The following RBKS variants were observed in gnomAD, a reference collection of about 807,000 sequenced individuals.
RBKS encodes the protein ribokinase.
Under a neutral mutation model 33.9 loss-of-function variants are expected in RBKS, and 33 were observed. The observed-to-expected ratio is 0.97, with a 90% CI of 0.74 to 1.30. The LOEUF (loss-of-function observed/expected upper bound fraction) is 1.30. RBKS is among the 50% of genes most tolerant of loss of function. The probability of loss-of-function intolerance (pLI) is 0.00; values close to 1 mark genes in which losing one functional copy is unlikely to be tolerated. For synonymous variants in RBKS, 125 were observed against 143.0 expected (o/e 0.87, Z 0.90); for missense variants, 361 against 392.6 (o/e 0.92, Z 0.68).
intron 6 of RBKS, among the ~76,000 whole-genome samples, chr2:27,828,878 T>C (rs1368855704): frequency 6.6e-6 from 1 of 152,236 alleles, no homozygotes; most frequent in Non-Finnish European, 1.5e-5. Flanking sequence ...AATTATACTA[T>C]TTAAAGTATT....
At chr2:27,882,181 G>T (rs911650735) in intron 1 of RBKS, among the ~76,000 whole-genome samples, 2 of 151,728 alleles carry the variant, frequency 1.3e-5, no homozygotes, top group African/African-American at 2.4e-5. Context: ...TCTGACAAAG[G>T]TCTAATATTC....
intron 7 of RBKS, among the ~76,000 whole-genome samples, chr2:27,788,990 C>T (rs1173454379): frequency 6.6e-6 from 1 of 152,092 alleles, no homozygotes; most frequent in Admixed American, 6.5e-5. Flanking sequence ...AATTAATAAA[C>T]TGATTTTAAA....
rs1167657626 is a variant in RBKS at position 27,795,350 on chromosome 2, G to A, written c.796-13562C>T. On this transcript the variant is annotated intron_variant, in intron 7 of 7. Transcript: ENST00000302188. This position sits in a 1 kb window ranked among gnomAD's most constrained non-coding sequence, Gnocchi z 4.1. ...AGGCTCCTGGCTGACAGGGGCCTTC[G>A]GGTCAAAGACAAGAAGGCTGATCTG... Among the ~76,000 whole-genome samples the A allele has an allele frequency of 6.6e-6, 1 of 152,046 alleles. No homozygotes were observed. Among genetic ancestry groups the A allele is most frequent in the Non-Finnish European group, 1.5e-5 (1 of 68,016 alleles).
At chr2:27,884,877 T>A (rs1223788643) in intron 1 of RBKS, among the ~76,000 whole-genome samples, 3 of 152,212 alleles carry the variant, frequency 2.0e-5, no homozygotes, top group Non-Finnish European at 4.4e-5. Context: ...AGACAGGAAG[T>A]CAATTTTATT....
chr2:27,826,063 G>T (rs1389790539), intron 7 of RBKS, among the ~76,000 whole-genome samples: 1 of 152,162 alleles, frequency 6.6e-6, no homozygotes, highest in Non-Finnish European at 1.5e-5. Flanking sequence ...AATAGTTTCA[G>T]AAATGACTAA....
At position 27,801,951 on chromosome 2, in the gene RBKS, A is replaced by G. The variant is rs530155679; in HGVS notation, c.796-20163T>C. On this transcript the variant is annotated intron_variant, in intron 7 of 7. Coordinates refer to ENST00000302188, the MANE Select transcript of RBKS (RefSeq NM_022128.3). Reference sequence around the variant, plus strand: ...GTCTCAGTTTCCCGAGTAGCTGGGGAAAAAAAAAAAAAATATATATATATA... The same window carrying G: ...GTCTCAGTTTCCCGAGTAGCTGGGGGAAAAAAAAAAAAATATATATATATA... Among the ~76,000 whole-genome samples, 12 of 36,700 alleles carry G rather than the reference A, an allele frequency of 3.3e-4. 1 individual carries two copies. In the South Asian group the frequency reaches 0.013, roughly 40 times the overall value. The allele number at this position is 36,700 out of a possible 152,430, so 24.1% of individuals were successfully genotyped here.
intron 7 of RBKS, among the ~76,000 whole-genome samples, chr2:27,824,128 C>A (rs531535696): frequency 6.6e-6 from 1 of 152,112 alleles, no homozygotes; most frequent in Non-Finnish European, 1.5e-5. Context: ...GAAATAAAAT[C>A]ATAATATATG....
In RBKS at chr2:27,837,766, G is replaced by A. The variant is rs1418746048; in HGVS notation, c.515-4989C>T. ...CACATGTATTCACTTATAAGTGGGG[G>A]CTAAATATTGAGTACGCATGGACAG... On this transcript the variant is annotated intron_variant, in intron 5 of 7. Coordinates refer to ENST00000302188, the MANE Select transcript of RBKS (RefSeq NM_022128.3). The surrounding 1 kb of genome is among the most constrained non-coding windows in gnomAD (Gnocchi z 4.0). Among the ~76,000 whole-genome samples the A allele has an allele frequency of 1.3e-5, 2 of 152,156 alleles. No individual in the cohort carries two copies. Among genetic ancestry groups the A allele is most frequent in the African/African-American group, 4.8e-5 (2 of 41,444 alleles).
intron 7 of RBKS, among the ~76,000 whole-genome samples, chr2:27,815,267 G>C (rs968141059): frequency 6.6e-6 from 1 of 152,030 alleles, no homozygotes; most frequent in Non-Finnish European, 1.5e-5. Context: ...GAATATAGTG[G>C]CATGATCTCA....
At chr2:27,877,351 C>CT (rs1198194324) in intron 1 of RBKS, among the ~76,000 whole-genome samples, 6 of 151,198 alleles carry the variant, frequency 4.0e-5, no homozygotes, top group South Asian at 2.1e-4. Context: ...TTTTAACATT[C>CT]TTTTTTATGT....
intron 1 of RBKS, among the ~76,000 whole-genome samples, chr2:27,880,815 C>A (rs1341443627): frequency 2.6e-5 from 4 of 152,122 alleles, no homozygotes. Flanking sequence ...CAGGAAGAAT[C>A]AATATCATTA....
In RBKS at chr2:27,890,371, T is replaced by G. The variant is rs561164535; in HGVS notation, c.-26A>C. 2 of 1,606,040 alleles carry G rather than the reference T, an allele frequency of 1.2e-6. No homozygotes were observed. Among genetic ancestry groups the G allele is most frequent in the Admixed American group, 1.7e-5 (1 of 59,466 alleles). ...CGCTCAAAGGTGCTGCTGTCCAACC[T>G]GGACGGTGACCTCTGCCCTTTGCCC... is the stretch of plus-strand genomic sequence containing the variant. On this transcript the variant is annotated 5_prime_UTR_variant, in exon 1 of 8. Coordinates refer to ENST00000302188, the MANE Select transcript of RBKS (RefSeq NM_022128.3). This position sits in a 1 kb window ranked among gnomAD's most constrained non-coding sequence, Gnocchi z 4.8.
chr2:27,865,306 C>T (rs555844862), intron 1 of RBKS, among the ~76,000 whole-genome samples: 7 of 152,166 alleles, frequency 4.6e-5, no homozygotes, highest in South Asian at 2.1e-4. Context: ...GGCGACAGAG[C>T]GAGACTCCTT....
intron 1 of RBKS, among the ~76,000 whole-genome samples, chr2:27,867,752 G>A (rs1485941964): frequency 2.0e-5 from 3 of 152,190 alleles, no homozygotes; most frequent in African/African-American, 7.2e-5. Context: ...TGGAATTAGA[G>A]ATTGCAAGAG....
intron 7 of RBKS, among the ~76,000 whole-genome samples, chr2:27,803,374 C>T (rs1176332167): frequency 6.6e-6 from 1 of 152,150 alleles, no homozygotes; most frequent in Non-Finnish European, 1.5e-5. Context: ...TTGCCTTCTA[C>T]TACCAGCCAC....
chr2:27,890,205 C>G lies in RBKS; in HGVS notation c.89+52G>C. ...AAAGCTCCACTGGGCGCATAGCGCA[C>G]GGCACGCCTCCTCCCCCGAGCCGCA... On this transcript the variant is annotated intron_variant, in intron 1 of 7. Coordinates refer to ENST00000302188, the MANE Select transcript of RBKS (RefSeq NM_022128.3). The surrounding 1 kb of genome is among the most constrained non-coding windows in gnomAD (Gnocchi z 4.8). 6.4e-7 allele frequency: 1 copy of G among 1,558,970 alleles called. No homozygotes were observed. Among genetic ancestry groups the G allele is most frequent in the South Asian group, 1.1e-5 (1 of 89,322 alleles).
rs1236505890 is a variant in RBKS at position 27,795,204 on chromosome 2, C to T, written c.796-13416G>A. Among the ~76,000 whole-genome samples the T allele has an allele frequency of 3.9e-5, 6 of 152,214 alleles. No individual in the cohort carries two copies. The highest frequency in any genetic ancestry group is 2.1e-4 in the South Asian group (1 of 4,826). Reference sequence around the variant, plus strand: ...GTTCAATTAATGCTTGCTGATGGACCGTCTCTCAGTTGCCCCAGTCTCCAC... The same window carrying T: ...GTTCAATTAATGCTTGCTGATGGACTGTCTCTCAGTTGCCCCAGTCTCCAC... On this transcript the variant is annotated intron_variant, in intron 7 of 7. Transcript: ENST00000302188. The surrounding 1 kb of genome is among the most constrained non-coding windows in gnomAD (Gnocchi z 4.1).
At chr2:27,839,184 AT>A (rs1484967436) in intron 5 of RBKS, among the ~76,000 whole-genome samples, 1 of 152,242 alleles carries the variant, frequency 6.6e-6, no homozygotes, top group Non-Finnish European at 1.5e-5. Context: ...GGACAATGTC[AT>A]TGTGAAAGTC....
rs530895641 is a variant in RBKS at position 27,829,709 on chromosome 2, T to C, written c.607-1954A>G. On this transcript the variant is annotated intron_variant, in intron 6 of 7. Transcript: ENST00000302188. ...AGCTTCCCCCAGGTACACAAGAGTC[T>C]CTAAACCAAAACCAGGTATTATATT... Among the ~76,000 whole-genome samples the C allele has an allele frequency of 4.9e-4, 75 of 152,314 alleles. 1 individual carries two copies. The South Asian group carries it at 0.016, about 32-fold the overall frequency.
Sources: gnomAD v4.1 joint callset for allele counts (sites outside exome capture counted in the v4.1 genomes callset) on GRCh38, gnomAD v4.1.1 for gene constraint, Gnocchi (gnomAD v3.1) non-coding constraint, MANE v1.5 for transcripts, NCBI Gene and HGNC (gene_info 2026-07-23, HGNC 2026-07-21) for gene names.